CTNNA3: variants seen among roughly 807,000 people sequenced by gnomAD.
The protein encoded by CTNNA3 is catenin alpha-3.
CTNNA3 carries 76 observed loss-of-function variants against 95.7 expected under a neutral mutation model. That is an observed-to-expected ratio of 0.79 (90% confidence interval 0.66 to 0.96). The LOEUF is 0.96. CTNNA3 is among the 40% of genes least tolerant of loss of function. The probability of loss-of-function intolerance (pLI) is 0.00; values close to 1 mark genes in which losing one functional copy is unlikely to be tolerated. For missense variants in CTNNA3, 1,191 were observed against 1,089.8 expected, an observed-to-expected ratio of 1.09 and a Z score of -1.31; for synonymous variants, 431 against 374.4, an observed-to-expected ratio of 1.15 and a Z score of -1.74.
chr10:67,751,143 A>G, intron 1 of CTNNA3: 1 of 1,320,600 alleles, frequency 7.6e-7, no homozygotes, highest in South Asian at 1.2e-5. Flanking sequence ...GGAGATGGCA[A>G]CCACACTCAG....
chr10:66,663,249 C>T (rs1246944701), intron 9 of CTNNA3, among the ~76,000 whole-genome samples: 1 of 151,960 alleles, frequency 6.6e-6, no homozygotes, highest in Non-Finnish European at 1.5e-5. Context: ...TTAACAATGT[C>T]CTTACAATGG....
chr10:66,716,631 G>A (rs1848458738), intron 9 of CTNNA3, among the ~76,000 whole-genome samples: 1 of 152,136 alleles, frequency 6.6e-6, no homozygotes, highest in Non-Finnish European at 1.5e-5. Context: ...TTATGTTTGT[G>A]TTTTTGTCAT....
chr10:66,814,792 A>G (rs1842011893), intron 7 of CTNNA3, among the ~76,000 whole-genome samples: 1 of 152,058 alleles, frequency 6.6e-6, no homozygotes, highest in African/African-American at 2.4e-5. Flanking sequence ...TAAAGCTTAA[A>G]GACAAATGAA....
chr10:67,464,462 CTTGTGTTGG>C (rs1847504752), intron 5 of CTNNA3, among the ~76,000 whole-genome samples: 1 of 152,126 alleles, frequency 6.6e-6, no homozygotes, highest in African/African-American at 2.4e-5. Context: ...ACTCATCCAA[CTTGTGTTGG>C]TTGTGTTGCT....
chr10:66,291,276 A>G (rs551455067), intron 12 of CTNNA3, among the ~76,000 whole-genome samples: 1 of 152,308 alleles, frequency 6.6e-6, no homozygotes, highest in Non-Finnish European at 1.5e-5. Flanking sequence ...ATTGCTCGGT[A>G]AACTTTATTA....
rs1456545448 is a variant in CTNNA3 at position 67,180,256 on chromosome 10, G to A, written c.1047+61C>T. On this transcript the variant is annotated intron_variant, in intron 7 of 17. Coordinates refer to ENST00000433211, the MANE Select transcript of CTNNA3 (RefSeq NM_013266.4). Reference sequence around the variant, plus strand: ...TATTTTGTATACGGAAAGTATCTCAGCCTATATTCAAAGTACAAGGGAAGA... The same window carrying A: ...TATTTTGTATACGGAAAGTATCTCAACCTATATTCAAAGTACAAGGGAAGA... 8.2e-6 allele frequency: 11 copies of A among 1,342,660 alleles called. No homozygotes were observed. The Admixed American group carries it at 1.7e-4, about 21-fold the overall frequency. The allele number at this position is 1,342,660 out of a possible 1,614,324, so 83.2% of individuals were successfully genotyped here.
At chr10:67,758,311 T>TAA (rs1334213458) in intron 1 of CTNNA3, among the ~76,000 whole-genome samples, 8 of 73,632 alleles carry the variant, frequency 1.1e-4, no homozygotes, top group Admixed American at 8.2e-4. Context: ...CACACATATA[T>TAA]ATAAATATAT....
intron 5 of CTNNA3, among the ~76,000 whole-genome samples, chr10:67,519,855 C>T (rs891012361): frequency 5.3e-5 from 8 of 152,236 alleles, no homozygotes; most frequent in African/African-American, 1.4e-4. Context: ...CACTTTCTGG[C>T]GTGTGCTTCA....
intron 7 of CTNNA3, among the ~76,000 whole-genome samples, chr10:67,102,890 T>A (rs1344046431): frequency 6.6e-6 from 1 of 151,858 alleles, no homozygotes; most frequent in African/African-American, 2.4e-5. Context: ...AGTTGAGCAG[T>A]TTCAGTCATT....
intron 16 of CTNNA3, among the ~76,000 whole-genome samples, chr10:65,984,151 T>A (rs1310213239): frequency 6.6e-6 from 1 of 151,394 alleles, no homozygotes; most frequent in East Asian, 1.9e-4. Flanking sequence ...GAATGTATTA[T>A]TTTTGAAATA....
chr10:66,933,119 T>C (rs1438658461), intron 7 of CTNNA3, among the ~76,000 whole-genome samples: 1 of 152,200 alleles, frequency 6.6e-6, no homozygotes, highest in Non-Finnish European at 1.5e-5. Context: ...CTTAGTGAGA[T>C]ACTGAGTGGG....
At chr10:65,950,516 C>T (rs769387187) in intron 17 of CTNNA3, among the ~76,000 whole-genome samples, 6 of 152,062 alleles carry the variant, frequency 3.9e-5, no homozygotes, top group Non-Finnish European at 7.3e-5. Flanking sequence ...TGCACTTTGC[C>T]TAATGGGGAA....
intron 13 of CTNNA3, among the ~76,000 whole-genome samples, chr10:66,120,352 A>G (rs34301901): frequency 0.073 from 11,182 of 152,238 alleles, 510 homozygotes; most frequent in Admixed American, 0.12. Context: ...AATATTAGCT[A>G]TCATGTCATT....
Position 66,841,720 on chromosome 10 carries a change from A to T in CTNNA3, c.1048-66196T>A, listed in dbSNP as rs548672811. 3.3e-5 allele frequency among the ~76,000 whole-genome samples: 5 copies of T among 152,322 alleles called. 1 individual carries two copies. The South Asian group carries it at 1.0e-3, about 32-fold the overall frequency. ...GTAATGAGTGAATAAAGCATTTCAA[A>T]TCAATAATCATGCACTAAGGGCTAA... On this transcript the variant is annotated intron_variant, in intron 7 of 17. Coordinates refer to ENST00000433211, the MANE Select transcript of CTNNA3 (RefSeq NM_013266.4).
intron 13 of CTNNA3, among the ~76,000 whole-genome samples, chr10:66,200,115 G>A (rs1006696934): frequency 1.1e-4 from 17 of 150,650 alleles, no homozygotes; most frequent in African/African-American, 2.0e-4. Flanking sequence ...GCATACACAC[G>A]CACACATACA....
intron 11 of CTNNA3, among the ~76,000 whole-genome samples, chr10:66,436,992 CT>C (rs1346301394): frequency 6.6e-6 from 1 of 152,108 alleles, no homozygotes; most frequent in East Asian, 1.9e-4. Flanking sequence ...AAATTCTTTT[CT>C]TTAAGAATGT....
chr10:67,418,765 T>C (rs1013040142), intron 5 of CTNNA3, among the ~76,000 whole-genome samples: 5 of 152,128 alleles, frequency 3.3e-5, no homozygotes, highest in African/African-American at 1.2e-4. Flanking sequence ...TTGTAAAACA[T>C]GTAGTAGAAA....
At chr10:66,006,009 C>CTTTTTTTT (rs11415177) in intron 15 of CTNNA3, among the ~76,000 whole-genome samples, 2 of 116,028 alleles carry the variant, frequency 1.7e-5, no homozygotes, top group African/African-American at 6.8e-5. Context: ...CAAGGAAAGC[C>CTTTTTTTT]TTTTTTTTTT....
Position 66,379,236 on chromosome 10 carries a change from T to A in CTNNA3, c.1648A>T (p.Ile550Phe). 2 of 1,614,168 alleles carry A rather than the reference T, an allele frequency of 1.2e-6. No individual in the cohort carries two copies. The highest frequency in any genetic ancestry group is 1.7e-6 in the Non-Finnish European group (2 of 1,179,996). ...IRGRAARVAH[I>F]VTGEMDSYEP... The stretch of plus-strand genomic sequence containing the variant: ...TAACTGTCCATTTCACCCGTGACGA[T>A]GTGAGCAACTCTTGCTGCCCGGCCT... Residue 550 changes from isoleucine to phenylalanine, a missense_variant, in exon 12 of 18, where the codon ATC (isoleucine) becomes TTC (phenylalanine). Transcript: ENST00000433211.
Sources: gnomAD v4.1 joint callset for allele counts (sites outside exome capture counted in the v4.1 genomes callset) on GRCh38, gnomAD v4.1.1 for gene constraint, MANE v1.5 for transcripts, NCBI Gene and HGNC (gene_info 2026-07-23, HGNC 2026-07-21) for gene names.